Variants in DDX1 observed in about 807,000 individuals in gnomAD.
DDX1 encodes the protein ATP-dependent RNA helicase DDX1.
In DDX1, 28 loss-of-function variants were observed where a neutral mutation model predicts 108.7. The observed-to-expected ratio is 0.26, with a 90% CI of 0.19 to 0.35. DDX1 has a LOEUF of 0.35. Ranked by LOEUF, DDX1 falls within the 10% of genes least tolerant of loss-of-function variation. DDX1 has a pLI of 1.00. For missense variants in DDX1, 710 were observed against 884.5 expected (o/e 0.80, Z 2.50); for synonymous variants, 295 against 288.9 (o/e 1.02, Z -0.21).
Position 15,620,329 on chromosome 2 carries a change from A to C in DDX1, c.1328A>C (p.His443Pro), listed in dbSNP as rs1665980892. 1 of 1,613,932 alleles carries C rather than the reference A, an allele frequency of 6.2e-7. No individual in the cohort carries two copies. Among genetic ancestry groups the C allele is most frequent in the African/African-American group, 1.3e-5 (1 of 74,928 alleles). Residue 443 changes from histidine (H) to proline (P), a missense_variant, in exon 17 of 26, where the codon CAT becomes CCT. Coordinates refer to ENST00000233084, the MANE Select transcript of DDX1 (RefSeq NM_004939.3). The stretch of plus-strand genomic sequence containing the variant: ...GACTCTGTTCCAGATACTGTACACC[A>C]TGTTGTTGTCCCAGTAAATCCCAAA... ...GEDSVPDTVH[H>P]VVVPVNPKTD...
intron 13 of DDX1, among the ~76,000 whole-genome samples, chr2:15,612,571 C>T (rs1214415931): frequency 6.6e-6 from 1 of 150,814 alleles, no homozygotes; most frequent in African/African-American, 2.4e-5. Context: ...GATGGGCGGC[C>T]AGGCAGAGAC....
rs772463733 is a variant in DDX1, at chr2:15,628,853, G to T, written c.1875+14G>T. Reference sequence around the variant, plus strand: ...GAAAAAGAAAAGGTAATCTTTGTAGGGCTCTATTATATTCATTGTGTGTGT... The same window carrying T: ...GAAAAAGAAAAGGTAATCTTTGTAGTGCTCTATTATATTCATTGTGTGTGT... On this transcript the variant is annotated intron_variant, in intron 23 of 25. Coordinates refer to ENST00000233084, the MANE Select transcript of DDX1 (RefSeq NM_004939.3). 6.8e-6 allele frequency: 11 copies of T among 1,608,242 alleles called. No individual in the cohort carries two copies. In the East Asian group the frequency reaches 2.0e-4, roughly 29 times the overall value.
intron 10 of DDX1, among the ~76,000 whole-genome samples, chr2:15,604,764 G>A (rs1013358504): frequency 6.6e-5 from 10 of 151,402 alleles, no homozygotes; most frequent in Middle Eastern, 6.8e-3. Flanking sequence ...TTAGGTGGTA[G>A]TAAGTGCTGT....
intron 10 of DDX1, 110 bp downstream of exon 10, chr2:15,604,619 C>A: frequency 4.2e-6 from 3 of 712,962 alleles, no homozygotes; most frequent in South Asian, 1.7e-5. Context: ...CCCTCCCTGC[C>A]TTTACTTGAA....
intron 7 of DDX1, 24 bp from the exon 8 acceptor site, chr2:15,603,168 T>C (rs2148739142): frequency 6.8e-7 from 1 of 1,478,034 alleles, no homozygotes; most frequent in Non-Finnish European, 9.4e-7. Flanking sequence ...TTTATATAAA[T>C]CTCAATGTAT....
chr2:15,618,878 C>G (rs1665943640), intron 16 of DDX1, among the ~76,000 whole-genome samples: 1 of 152,254 alleles, frequency 6.6e-6, no homozygotes, highest in African/African-American at 2.4e-5. Context: ...GCACACCCAG[C>G]TGGCCCAAGC....
chr2:15,617,446 C>T (rs943725667), intron 15 of DDX1, 104 bp downstream of exon 15: 1 of 490,390 alleles, frequency 2.0e-6, no homozygotes, highest in East Asian at 3.5e-5. Context: ...ATCCTACTAC[C>T]TAGAGATAAT....
chr2:15,629,696 A>G lies in DDX1; in HGVS notation c.1970A>G (p.Gln657Arg), dbSNP rs1373203879. ...GGCTIWYNEM[Q>R]LLSEIEEHLN... Reference sequence around the variant, plus strand: ...TGTACCATATGGTACAACGAGATGCAGGTAAGACTTCGAGTTAGGCTCACA... The same window carrying G: ...TGTACCATATGGTACAACGAGATGCGGGTAAGACTTCGAGTTAGGCTCACA... The change falls in exon 24 of 26, where the codon CAG becomes CGG. Residue 657 changes from glutamine to arginine, a missense_variant and splice_region_variant. Gln to Arg is a conservative substitution (Grantham distance 43). This residue lies in a region of DDX1 where 661 missense variants were observed against 810.2 expected (regional missense o/e 0.82). Coordinates refer to ENST00000233084, the MANE Select transcript of DDX1 (RefSeq NM_004939.3). The G allele has an allele frequency of 6.4e-7, 1 of 1,559,196 alleles. No homozygotes were observed. Among genetic ancestry groups the G allele is most frequent in the Non-Finnish European group, 8.6e-7 (1 of 1,161,272 alleles).
At chr2:15,599,413 TCTC>T (rs1463922218) in intron 5 of DDX1, among the ~76,000 whole-genome samples, 5 of 151,964 alleles carry the variant, frequency 3.3e-5, no homozygotes, top group African/African-American at 1.2e-4. Flanking sequence ...CTCAAGCGAT[TCTC>T]CTGCCTCAGC....
Position 15,596,768 on chromosome 2 carries a change from G to A in DDX1, c.162+5G>A. ...ACAGGAAGTGGCAAAACTGGTGTAAGTAATAAATTATATTTACTTTCTCTC... is the reference window on the plus strand; with the variant it reads ...ACAGGAAGTGGCAAAACTGGTGTAAATAATAAATTATATTTACTTTCTCTC... On this transcript the variant is annotated splice_donor_5th_base_variant and intron_variant, in intron 4 of 25. Coordinates refer to ENST00000233084, the MANE Select transcript of DDX1 (RefSeq NM_004939.3). The A allele has an allele frequency of 6.2e-7, 1 of 1,605,602 alleles. No individual in the cohort carries two copies. The highest frequency in any genetic ancestry group is 8.5e-7 in the Non-Finnish European group (1 of 1,174,032).
intron 3 of DDX1, 137 bp downstream of exon 3, chr2:15,595,690 T>G (rs1665485903): frequency 3.0e-6 from 2 of 656,484 alleles, no homozygotes; most frequent in Admixed American, 5.3e-5. Flanking sequence ...GGTAAAAGCT[T>G]CAAACAGGTA....
intron 13 of DDX1, among the ~76,000 whole-genome samples, chr2:15,610,618 T>C (rs1378297490): frequency 1.3e-5 from 2 of 152,256 alleles, no homozygotes; most frequent in Non-Finnish European, 2.9e-5. Flanking sequence ...GGCAACGTTT[T>C]AAATTGATTT....
In DDX1 at chr2:15,606,237, G is replaced by T; in HGVS notation, c.790G>T (p.Gly264Cys). The T allele has an allele frequency of 6.2e-7, 1 of 1,613,630 alleles. No individual in the cohort carries two copies. The highest frequency in any genetic ancestry group is 8.5e-7 in the Non-Finnish European group (1 of 1,179,640). Residue 264 changes from glycine (G) to cysteine (C), a missense_variant, in exon 12 of 26, where the codon GGT becomes TGT. Physicochemically the swap from Gly to Cys is radical, Grantham distance 159. This residue lies in a region of DDX1 where 661 missense variants were observed against 810.2 expected (regional missense o/e 0.82). Transcript: ENST00000233084. ...GFVALSKAPD[G>C]YIVKSQHSGN... ...TGTTGCTCTTTCCAAGGCACCGGAT[G>T]GTTACATTGTCAAATCACAGCACTC...
chr2:15,614,186 G>A (rs886198242), intron 14 of DDX1, among the ~76,000 whole-genome samples: 16 of 152,090 alleles, frequency 1.1e-4, no homozygotes, highest in Admixed American at 2.6e-4. Context: ...AATATTTTTC[G>A]TGTGTGAAAT....
rs1357843072 is a variant in DDX1 at position 15,597,489 on chromosome 2, A to G, written c.259+18A>G. On this transcript the variant is annotated intron_variant, in intron 5 of 25. Transcript: ENST00000233084. ...TGCTTCAGGTAATTTTTGTAAATTG[A>G]TATTTCCTTTTATATAAATCATTGG... is the stretch of plus-strand genomic sequence containing the variant. The G allele has an allele frequency of 2.0e-6, 3 of 1,472,280 alleles. No individual in the cohort carries two copies. The highest frequency in any genetic ancestry group is 1.8e-5 in the Admixed American group (1 of 54,724). 91.2% of individuals were successfully genotyped at this position (1,472,280 alleles called of 1,614,324 possible). A position where few individuals can be genotyped will look rare whatever the true frequency, so the allele number is the denominator to read the frequency against.
rs78561900 is a variant in DDX1 at position 15,601,814 on chromosome 2, C to A, written c.308-734C>A. 4.2e-4 allele frequency among the ~76,000 whole-genome samples: 64 copies of A among 152,204 alleles called. 1 individual carries two copies. In the East Asian group the frequency reaches 0.012, roughly 28 times the overall value. ...TTGTTCTACTTTCAAGTACAGAATA[C>A]GAGTTGGAAAGATGAACCAGGACAG... On this transcript the variant is annotated intron_variant, in intron 6 of 25. Coordinates refer to ENST00000233084, the MANE Select transcript of DDX1 (RefSeq NM_004939.3).
intron 15 of DDX1, among the ~76,000 whole-genome samples, chr2:15,617,941 T>C (rs559571744): frequency 6.6e-6 from 1 of 152,318 alleles, no homozygotes; most frequent in Non-Finnish European, 1.5e-5. Context: ...GATTATTAGA[T>C]TATGGTTTTG....
Position 15,607,251 on chromosome 2 carries a change from A to G in DDX1, c.894A>G (p.Leu298=). 2 of 1,613,568 alleles carry G rather than the reference A, an allele frequency of 1.2e-6. No individual in the cohort carries two copies. The highest frequency in any genetic ancestry group is 1.1e-5 in the South Asian group (1 of 91,078). The change falls in exon 13 of 26, where the codon TTA becomes TTG. Residue 298 remains leucine, a synonymous_variant. Transcript: ENST00000233084. ...KALIVEPSRE[L]AEQTLNNIKQ... ...TCATTGTTGAACCTTCCCGGGAGTTAGCTGAACAAACTTTGAACAACATCA... is the reference window on the plus strand; with the variant it reads ...TCATTGTTGAACCTTCCCGGGAGTTGGCTGAACAAACTTTGAACAACATCA...
intron 1 of DDX1, among the ~76,000 whole-genome samples, chr2:15,594,843 A>C (rs913732920): frequency 6.6e-6 from 1 of 152,210 alleles, no homozygotes. Context: ...CTCCAGTTGC[A>C]TTACATGATT....
Sources: allele counts gnomAD v4.1 joint callset (sites outside exome capture counted in the v4.1 genomes callset), GRCh38; gene constraint gnomAD v4.1.1; regional missense constraint gnomAD v4.1.1; transcripts MANE v1.5; gene names NCBI Gene and HGNC (gene_info 2026-07-23, HGNC 2026-07-21).